The following WDR72 variants were observed in gnomAD, a reference collection of about 807,000 sequenced individuals.
WDR72 encodes the protein WD repeat-containing protein 72.
Under a neutral mutation model 124.2 loss-of-function variants are expected in WDR72, and 120 were observed. The ratio of observed to expected loss-of-function variants is 0.97; its 90% CI spans 0.83 to 1.12. The LOEUF is 1.12. Ranked by LOEUF, WDR72 falls within the 50% of genes most tolerant of loss-of-function variation. The probability of loss-of-function intolerance (pLI) is 0.00; values close to 1 mark genes in which losing one functional copy is unlikely to be tolerated. For synonymous variants in WDR72, 452 were observed against 441.7 expected, an observed-to-expected ratio of 1.02 and a Z score of -0.29; for missense variants, 1,387 against 1,278.8, an observed-to-expected ratio of 1.08 and a Z score of -1.29.
At chr15:53,548,981 G>A (rs1170998347) in intron 18 of WDR72, among the ~76,000 whole-genome samples, 4 of 152,160 alleles carry the variant, frequency 2.6e-5, no homozygotes, top group South Asian at 2.1e-4. Context: ...ACAGAAGAAA[G>A]AGAACCAATA....
chr15:53,643,214 G>T (rs59028532), intron 14 of WDR72, among the ~76,000 whole-genome samples: 2,634 of 152,172 alleles, frequency 0.017, 80 homozygotes, highest in African/African-American at 0.06. Flanking sequence ...ACTGAAAACT[G>T]ATACAGATAT....
intron 18 of WDR72, among the ~76,000 whole-genome samples, chr15:53,529,805 A>G (rs893954439): frequency 2.0e-5 from 3 of 152,010 alleles, no homozygotes; most frequent in African/African-American, 7.2e-5. Flanking sequence ...CATGAAAGCC[A>G]ACTCAAATCA....
At chr15:53,708,929 C>G (rs1468335706) in intron 9 of WDR72, among the ~76,000 whole-genome samples, 1 of 152,162 alleles carries the variant, frequency 6.6e-6, no homozygotes, top group Admixed American at 6.5e-5. Flanking sequence ...GAAGGAAAGA[C>G]GAATCCTCAT....
At chr15:53,616,370 T>C (rs980673597) in intron 14 of WDR72, 127 bp from the exon 15 acceptor site, 18 of 665,760 alleles carry the variant, frequency 2.7e-5, no homozygotes, top group African/African-American at 7.3e-5. Flanking sequence ...TCATTTCAAT[T>C]TTTTTGTCTT....
chr15:53,722,567 G>T lies in WDR72; in HGVS notation c.260+235C>A, dbSNP rs963156801. 1.4e-4 allele frequency among the ~76,000 whole-genome samples: 22 copies of T among 152,156 alleles called. 7 individuals carry two copies. The highest frequency in any genetic ancestry group is 1.3e-3 in the Admixed American group (20 of 15,276). ...CAAGTTCTGATACACATGTTGAGAT[G>T]CTTAACTTGGTCCCAATCCAGCAAC... On this transcript the variant is annotated intron_variant, in intron 3 of 19. Coordinates refer to ENST00000360509, the MANE Select transcript of WDR72 (RefSeq NM_182758.4).
intron 18 of WDR72, among the ~76,000 whole-genome samples, chr15:53,560,087 A>G (rs1413190386): frequency 1.3e-5 from 2 of 151,904 alleles, no homozygotes; most frequent in African/African-American, 4.8e-5. Context: ...CTGTGAAAAA[A>G]CAGAGCCAAA....
chr15:53,570,806 A>G (rs1233965529), intron 18 of WDR72, among the ~76,000 whole-genome samples: 2 of 152,170 alleles, frequency 1.3e-5, no homozygotes, highest in Non-Finnish European at 2.9e-5. Context: ...ACTATTCACA[A>G]TGGCAAAGAC....
At chr15:53,556,263 T>C (rs1305486398) in intron 18 of WDR72, among the ~76,000 whole-genome samples, 1 of 152,158 alleles carries the variant, frequency 6.6e-6, no homozygotes, top group Non-Finnish European at 1.5e-5. Context: ...ATTATAATGA[T>C]GAAAACCATT....
intron 18 of WDR72, among the ~76,000 whole-genome samples, chr15:53,584,267 T>C (rs930826961): frequency 6.6e-6 from 1 of 151,826 alleles, no homozygotes; most frequent in African/African-American, 2.4e-5. Context: ...TGACCAACCA[T>C]AAAGAAAGAG....
At chr15:53,639,437 A>C (rs1389067367) in intron 14 of WDR72, among the ~76,000 whole-genome samples, 2 of 141,220 alleles carry the variant, frequency 1.4e-5, no homozygotes, top group South Asian at 4.6e-4. Context: ...ACATAGCAAG[A>C]CCTCGTCTCT....
chr15:53,755,793 G>T (rs996389358), intron 1 of WDR72, among the ~76,000 whole-genome samples: 19 of 152,190 alleles, frequency 1.2e-4, no homozygotes, highest in African/African-American at 4.6e-4. Context: ...GCTGGGAGGA[G>T]ATCAAGAAGA....
intron 17 of WDR72, among the ~76,000 whole-genome samples, chr15:53,599,247 T>C (rs1204128959): frequency 1.3e-5 from 2 of 152,170 alleles, no homozygotes; most frequent in African/African-American, 4.8e-5. Context: ...TGATGGGATA[T>C]ATTTTATTAC....
intron 14 of WDR72, among the ~76,000 whole-genome samples, chr15:53,646,924 C>T (rs181431469): frequency 6.6e-6 from 1 of 151,916 alleles, no homozygotes; most frequent in African/African-American, 2.4e-5. Context: ...TTACTGAAGT[C>T]AAAATATTCC....
chr15:53,736,973 T>C (rs2018373124), intron 1 of WDR72, among the ~76,000 whole-genome samples: 1 of 147,840 alleles, frequency 6.8e-6, no homozygotes, highest in Non-Finnish European at 1.5e-5. Flanking sequence ...TTAGAGGAAC[T>C]GGTGTAAAAC....
intron 1 of WDR72, among the ~76,000 whole-genome samples, chr15:53,749,203 C>A (rs1459078236): frequency 6.6e-6 from 1 of 152,130 alleles, no homozygotes; most frequent in African/African-American, 2.4e-5. Context: ...TTGTGGCAAC[C>A]CTGCCTTGAG....
At chr15:53,683,910 G>A (rs894901664) in intron 13 of WDR72, among the ~76,000 whole-genome samples, 7 of 152,062 alleles carry the variant, frequency 4.6e-5, no homozygotes, top group Admixed American at 4.6e-4. Flanking sequence ...TAGACTAACA[G>A]GAGTTCTTAA....
upstream of WDR72, among the ~76,000 whole-genome samples, chr15:53,761,197 C>A (rs1279238310): frequency 6.6e-6 from 1 of 151,898 alleles, no homozygotes; most frequent in East Asian, 1.9e-4. Context: ...ATACAAATGA[C>A]AAATAGGCAT....
At chr15:53,650,816 A>T (rs2015209223) in intron 14 of WDR72, among the ~76,000 whole-genome samples, 1 of 150,788 alleles carries the variant, frequency 6.6e-6, no homozygotes, top group Admixed American at 6.6e-5. Flanking sequence ...CAAAACAAAC[A>T]CCAGCTAACA....
rs901501846 is a variant in WDR72 at position 53,646,311 on chromosome 15, AC to A, written c.1962+19260del. On this transcript the variant is annotated intron_variant, in intron 14 of 19. Transcript: ENST00000360509. ...TATTTTTATATCTCGTGCTTATAAA[AC>A]CCCCGTAACTCATATTCTCTTATCA... 2.0e-5 allele frequency among the ~76,000 whole-genome samples: 3 copies of A among 151,566 alleles called. No homozygotes were observed. The Admixed American group carries it at 2.0e-4, about 10-fold the overall frequency.
Sources: gnomAD v4.1 joint callset for allele counts (sites outside exome capture counted in the v4.1 genomes callset) on GRCh38, gnomAD v4.1.1 for gene constraint, MANE v1.5 for transcripts, NCBI Gene and HGNC (gene_info 2026-07-23, HGNC 2026-07-21) for gene names.